The following CTBP2 variants were observed in gnomAD, a reference collection of about 807,000 sequenced individuals.
The protein encoded by CTBP2 is C-terminal binding protein 2, also known as C-terminal-binding protein 2.
In CTBP2, 30 loss-of-function variants were observed where a neutral mutation model predicts 80.3. The ratio of observed to expected loss-of-function variants is 0.37; its 90% CI spans 0.28 to 0.51. CTBP2 has a LOEUF of 0.51. CTBP2 is among the 20% of genes least tolerant of loss of function. The pLI is 0.93. For missense variants in CTBP2, 1,212 were observed against 1,375.3 expected (o/e 0.88, Z 1.88); for synonymous variants, 594 against 587.4 (o/e 1.01, Z -0.16).
intron 2 of CTBP2, among the ~76,000 whole-genome samples, chr10:125,044,770 T>C (rs1227832532): frequency 6.6e-6 from 1 of 152,098 alleles, no homozygotes; most frequent in Non-Finnish European, 1.5e-5. Context: ...TGTCTCAAAC[T>C]TAAAGCAACA....
At chr10:125,150,938 G>A (rs897983876) in intron 1 of CTBP2, among the ~76,000 whole-genome samples, 1 of 148,188 alleles carries the variant, frequency 6.7e-6, no homozygotes, top group East Asian at 2.1e-4. Flanking sequence ...CCAGACACCT[G>A]CCTTGAGATC....
chr10:124,994,724 C>T, intron 4 of CTBP2, 41 bp from the exon 7 acceptor site: 1 of 1,601,278 alleles, frequency 6.2e-7, no homozygotes, highest in Non-Finnish European at 8.6e-7. Flanking sequence ...AGTCCACAGC[C>T]CGCGCCCCAG....
chr10:125,019,416 T>C (rs1956835263), intron 1 of CTBP2, among the ~76,000 whole-genome samples: 1 of 152,026 alleles, frequency 6.6e-6, no homozygotes, highest in Admixed American at 6.6e-5. Flanking sequence ...TGGGGGTAAA[T>C]AAATTTGTGC....
chr10:125,008,544 C>T (rs1436668714), intron 1 of CTBP2, among the ~76,000 whole-genome samples: 4 of 152,240 alleles, frequency 2.6e-5, no homozygotes, highest in South Asian at 2.1e-4. Flanking sequence ...TGCCGGGTGC[C>T]GTCACCAGCT....
At chr10:125,089,408 C>T (rs917270299) in intron 2 of CTBP2, among the ~76,000 whole-genome samples, 4 of 152,176 alleles carry the variant, frequency 2.6e-5, no homozygotes, top group African/African-American at 9.7e-5. Flanking sequence ...AGTTGAACTT[C>T]CGAAGTCACG....
At chr10:125,030,331 T>G (rs1422675586), upstream of CTBP2, among the ~76,000 whole-genome samples, 1 of 152,234 alleles carries the variant, frequency 6.6e-6, no homozygotes, top group Non-Finnish European at 1.5e-5. Context: ...AAGATGATTG[T>G]GTAACATAGC....
At chr10:125,053,811 A>G (rs1227063586) in intron 2 of CTBP2, among the ~76,000 whole-genome samples, 4 of 152,190 alleles carry the variant, frequency 2.6e-5, no homozygotes, top group African/African-American at 4.8e-5. Flanking sequence ...GAGATGCCAC[A>G]TAGTTCCGAA....
intron 2 of CTBP2, among the ~76,000 whole-genome samples, chr10:125,058,685 G>A (rs915636493): frequency 6.6e-5 from 10 of 151,942 alleles, no homozygotes; most frequent in Admixed American, 3.9e-4. Flanking sequence ...ACCTGAGGCC[G>A]GGAGTTCGAG....
At chr10:124,994,713 G>T in intron 4 of CTBP2, 30 bp from the exon 7 acceptor site, 2 of 1,609,894 alleles carry the variant, frequency 1.2e-6, no homozygotes, top group Non-Finnish European at 1.7e-6. Context: ...CCAGGTGAGT[G>T]AGTCCACAGC....
At chr10:125,041,328 C>T (rs1959679219) in intron 2 of CTBP2, among the ~76,000 whole-genome samples, 1 of 152,166 alleles carries the variant, frequency 6.6e-6, no homozygotes, top group Non-Finnish European at 1.5e-5. Context: ...AGTGATCCAC[C>T]CACCTCAGCC....
At chr10:124,995,021 T>G (rs1186575351) in intron 4 of CTBP2, among the ~76,000 whole-genome samples, 1 of 152,206 alleles carries the variant, frequency 6.6e-6, no homozygotes, top group African/African-American at 2.4e-5. Flanking sequence ...ACCACCCGTG[T>G]CCTCCGTTCC....
At chr10:125,048,725 A>T (rs912675211) in intron 2 of CTBP2, among the ~76,000 whole-genome samples, 8 of 152,158 alleles carry the variant, frequency 5.3e-5, no homozygotes, top group Non-Finnish European at 1.2e-4. Flanking sequence ...ATTGGAAACA[A>T]CTTGGCAGAG....
At chr10:125,087,081 T>C (rs1187637752) in intron 2 of CTBP2, among the ~76,000 whole-genome samples, 5 of 150,694 alleles carry the variant, frequency 3.3e-5, no homozygotes, top group Non-Finnish European at 5.9e-5. Context: ...CTTTCTTTTT[T>C]TTTTTTTTTT....
At chr10:125,076,174 T>C (rs1315178882) in intron 2 of CTBP2, among the ~76,000 whole-genome samples, 1 of 151,606 alleles carries the variant, frequency 6.6e-6, no homozygotes, top group East Asian at 2.0e-4. Context: ...CCCACTATCA[T>C]CCCTTAACAC....
At position 124,989,716 on chromosome 10, in the gene CTBP2, A is replaced by C; in HGVS notation, c.2778-18T>G. ...GCGGATATCTAAGGAACACACAGAA[A>C]TAGGGCCTTGTAAGTTCAGGGCAGA... On this transcript the variant is annotated intron_variant, in intron 8 of 8. Transcript: ENST00000309035. 6.5e-7 allele frequency: 1 copy of C among 1,544,906 alleles called. No individual in the cohort carries two copies. Among genetic ancestry groups the C allele is most frequent in the Non-Finnish European group, 8.7e-7 (1 of 1,146,962 alleles).
In CTBP2 at chr10:125,027,788, G is replaced by C; in HGVS notation, c.-29C>G. 1 of 1,497,620 alleles carries C rather than the reference G, an allele frequency of 6.7e-7. No homozygotes were observed. The highest frequency in any genetic ancestry group is 8.9e-7 in the Non-Finnish European group (1 of 1,125,148). The allele number at this position is 1,497,620 out of a possible 1,614,324, so 92.8% of individuals were successfully genotyped here. ...AAAAAAAATGACTGCGGATGAGGCA[G>C]AGGAGAAGCTTTTCTTTATAAATCT... is the stretch of plus-strand genomic sequence containing the variant. On this transcript the variant is annotated 5_prime_UTR_variant, in exon 1 of 9. Transcript: ENST00000309035.
chr10:124,984,451 T>TA lies in CTBP2; in HGVS notation c.*5066dup. 1 of 260,788 alleles carries TA rather than the reference T, an allele frequency of 3.8e-6. No homozygotes were observed. Among genetic ancestry groups the TA allele is most frequent in the South Asian group, 1.1e-4 (1 of 8,834 alleles). 16.2% of individuals were successfully genotyped at this position (260,788 alleles called of 1,614,324 possible). ...TTGTACATAATTGACTAAGTAAACT[T>TA]ACCTTGTCATGTGTTTGAAGCTGTG... On this transcript the variant is annotated 3_prime_UTR_variant, in exon 9 of 9. Transcript: ENST00000309035.
At chr10:125,005,491 G>A in intron 1 of CTBP2, 1 of 1,517,542 alleles carries the variant, frequency 6.6e-7, no homozygotes, top group South Asian at 1.2e-5. Flanking sequence ...AGGAAAACAG[G>A]GCAGGGGAGG....
intron 2 of CTBP2, among the ~76,000 whole-genome samples, chr10:125,069,893 C>CT (rs1178170188): frequency 1.4e-4 from 19 of 131,138 alleles, no homozygotes; most frequent in Middle Eastern, 3.9e-3. Context: ...CCCCTCCCCC[C>CT]CCCACACAAA....
Sources: gnomAD v4.1 joint callset for allele counts (sites outside exome capture counted in the v4.1 genomes callset) on GRCh38, gnomAD v4.1.1 for gene constraint, MANE v1.5 for transcripts, NCBI Gene and HGNC (gene_info 2026-07-23, HGNC 2026-07-21) for gene names.